Variants in ARHGAP32 observed in about 807,000 individuals in gnomAD.
ARHGAP32 encodes the protein Rho GTPase activating protein 32.
Under a neutral mutation model 186.5 loss-of-function variants are expected in ARHGAP32, and 51 were observed. The observed-to-expected ratio is 0.27, with a 90% CI of 0.22 to 0.35. The LOEUF is 0.35. ARHGAP32 is among the 10% of genes least tolerant of loss of function. The probability of loss-of-function intolerance (pLI) is 1.00; values close to 1 mark genes in which losing one functional copy is unlikely to be tolerated. For synonymous variants in ARHGAP32, 950 were observed against 964.3 expected (o/e 0.99, Z 0.27); for missense variants, 2,186 against 2,623.5 (o/e 0.83, Z 3.64).
At chr11:129,277,255 T>C (rs12362840) in intron 1 of ARHGAP32, among the ~76,000 whole-genome samples, 51,121 of 151,276 alleles carry the variant, frequency 0.34, 8,897 homozygotes, top group South Asian at 0.46. Context: ...TAGAGATGAA[T>C]GTATTGCCAT....
chr11:129,111,420 G>A (rs1942209611), intron 5 of ARHGAP32, among the ~76,000 whole-genome samples: 1 of 152,174 alleles, frequency 6.6e-6, no homozygotes, highest in Non-Finnish European at 1.5e-5. Flanking sequence ...CTCATAGAAT[G>A]AGTTAGGGAG....
At chr11:129,227,153 T>A (rs1371948777) in intron 1 of ARHGAP32, among the ~76,000 whole-genome samples, 1 of 152,076 alleles carries the variant, frequency 6.6e-6, no homozygotes, top group Non-Finnish European at 1.5e-5. Context: ...GAACAAAGTT[T>A]TTATATACTA....
In ARHGAP32 at chr11:129,070,248, G is replaced by A. The variant is rs1452962394; in HGVS notation, c.532-3380C>T. On this transcript the variant is annotated intron_variant, in intron 6 of 22. Coordinates refer to ENST00000682385, the MANE Select transcript of ARHGAP32 (RefSeq NM_001378024.1). Reference sequence around the variant, plus strand: ...CAGAAGAGTAAGTGAAATAATCCACGTAAGGTGCTTAACAGACTCCCTGGA... The same window carrying A: ...CAGAAGAGTAAGTGAAATAATCCACATAAGGTGCTTAACAGACTCCCTGGA... Among the ~76,000 whole-genome samples, 4 of 152,078 alleles carry A rather than the reference G, an allele frequency of 2.6e-5. 1 individual carries two copies. In the South Asian group the frequency reaches 6.2e-4, roughly 24 times the overall value.
chr11:129,054,830 G>C (rs560822543), intron 10 of ARHGAP32, among the ~76,000 whole-genome samples: 2 of 152,308 alleles, frequency 1.3e-5, no homozygotes, highest in Admixed American at 6.5e-5. Context: ...AATTACTGTA[G>C]TTAATATAAT....
chr11:128,989,756 C>T (rs1445164080), intron 12 of ARHGAP32, among the ~76,000 whole-genome samples: 1 of 151,854 alleles, frequency 6.6e-6, no homozygotes, highest in Non-Finnish European at 1.5e-5. Flanking sequence ...GTTCCCCTCC[C>T]TATTCCATGT....
intron 10 of ARHGAP32, among the ~76,000 whole-genome samples, chr11:129,057,895 A>G (rs1940318284): frequency 6.6e-6 from 1 of 152,112 alleles, no homozygotes; most frequent in East Asian, 1.9e-4. Flanking sequence ...CACAGAGAGG[A>G]AAGGCCATGT....
At chr11:129,050,862 A>G (rs1257603991) in intron 10 of ARHGAP32, among the ~76,000 whole-genome samples, 1 of 151,670 alleles carries the variant, frequency 6.6e-6, no homozygotes, top group Non-Finnish European at 1.5e-5. Flanking sequence ...TCACTGTTCA[A>G]CTCCTGCTTA....
intron 2 of ARHGAP32, among the ~76,000 whole-genome samples, chr11:129,146,919 A>G (rs1943177852): frequency 6.6e-6 from 1 of 152,054 alleles, no homozygotes; most frequent in South Asian, 2.1e-4. Flanking sequence ...AGGGCTCCCT[A>G]AATAAAAAAT....
At chr11:129,187,966 T>C (rs1358928856) in intron 1 of ARHGAP32, among the ~76,000 whole-genome samples, 1 of 152,092 alleles carries the variant, frequency 6.6e-6, no homozygotes, top group Non-Finnish European at 1.5e-5. Context: ...TGAGGTTTGT[T>C]TGTTTTTGAG....
intron 10 of ARHGAP32, among the ~76,000 whole-genome samples, chr11:129,045,562 A>G (rs1939773424): frequency 6.6e-6 from 1 of 152,260 alleles, no homozygotes; most frequent in South Asian, 2.1e-4. Context: ...TTAAAAGTAC[A>G]GTTAATGAAC....
At chr11:129,002,488 T>C (rs1946387167) in intron 11 of ARHGAP32, among the ~76,000 whole-genome samples, 1 of 152,212 alleles carries the variant, frequency 6.6e-6, no homozygotes, top group African/African-American at 2.4e-5. Context: ...AAATAGTTTT[T>C]TGGTGGAGTA....
intron 18 of ARHGAP32, among the ~76,000 whole-genome samples, chr11:128,980,218 A>T (rs1945668746): frequency 6.6e-6 from 1 of 152,240 alleles, no homozygotes; most frequent in South Asian, 2.1e-4. Flanking sequence ...CTCTTCCAAC[A>T]CAGCTTATTT....
chr11:129,216,306 T>C (rs1223203242), intron 1 of ARHGAP32, among the ~76,000 whole-genome samples: 1 of 152,160 alleles, frequency 6.6e-6, no homozygotes, highest in Non-Finnish European at 1.5e-5. Flanking sequence ...TCCTCTGTTC[T>C]CTTTGAAAAA....
chr11:128,981,296 A>G (rs1478942776), intron 17 of ARHGAP32, 120 bp downstream of exon 17: 5 of 1,106,740 alleles, frequency 4.5e-6, no homozygotes, highest in African/African-American at 3.1e-5. Context: ...GCAGCCATAC[A>G]TTATTAGCTG....
At chr11:129,045,064 C>G (rs1939754487) in intron 10 of ARHGAP32, among the ~76,000 whole-genome samples, 1 of 152,166 alleles carries the variant, frequency 6.6e-6, no homozygotes, top group African/African-American at 2.4e-5. Context: ...AGAGGTAGAT[C>G]TACAGTAGGC....
chr11:129,208,855 A>T (rs528553613), intron 1 of ARHGAP32, among the ~76,000 whole-genome samples: 1 of 152,168 alleles, frequency 6.6e-6, no homozygotes, highest in African/African-American at 2.4e-5. Context: ...GAAATTTTCC[A>T]TCTAAAATAG....
chr11:129,034,566 T>C (rs562108867), intron 11 of ARHGAP32, among the ~76,000 whole-genome samples: 3 of 151,984 alleles, frequency 2.0e-5, no homozygotes, highest in Admixed American at 1.3e-4. Flanking sequence ...AATTCCAGCA[T>C]AGCAATTATT....
chr11:129,165,856 C>T lies in ARHGAP32; in HGVS notation c.117-1429G>A, dbSNP rs922628079. ...AACTAGTTTAAACACTATGGAAACA[C>T]AAGCCTCTCTGAGATTAGATGGATG... is the stretch of plus-strand genomic sequence containing the variant. On this transcript the variant is annotated intron_variant, in intron 1 of 22. Transcript: ENST00000682385. Among the ~76,000 whole-genome samples the T allele has an allele frequency of 3.0e-4, 46 of 152,034 alleles. 1 individual carries two copies. The highest frequency in any genetic ancestry group is 2.1e-4 in the South Asian group (1 of 4,814).
intron 1 of ARHGAP32, among the ~76,000 whole-genome samples, chr11:129,200,235 T>C (rs901744474): frequency 5.3e-5 from 8 of 152,092 alleles, no homozygotes; most frequent in South Asian, 2.1e-4. Context: ...AGTTAAGACA[T>C]TGGGGGACAT....
Sources: allele counts gnomAD v4.1 joint callset (sites outside exome capture counted in the v4.1 genomes callset), GRCh38; gene constraint gnomAD v4.1.1; transcripts MANE v1.5; gene names NCBI Gene and HGNC (gene_info 2026-07-23, HGNC 2026-07-21).